Variants in CNTNAP2 observed in about 807,000 individuals in gnomAD.
The protein encoded by CNTNAP2 is contactin associated protein 2.
CNTNAP2 carries 98 observed loss-of-function variants against 155.2 expected under a neutral mutation model. The observed-to-expected ratio is 0.63, with a 90% CI of 0.54 to 0.75. The LOEUF is 0.75. Ranked by LOEUF, CNTNAP2 falls within the 30% of genes least tolerant of loss-of-function variation. The pLI, the probability that CNTNAP2 is intolerant of heterozygous loss-of-function variation, is 0.00. For missense variants in CNTNAP2, 1,727 were observed against 1,688.1 expected (o/e 1.02, Z -0.40); for synonymous variants, 651 against 631.2 (o/e 1.03, Z -0.47).
chr7:147,819,411 A>G (rs527452160), intron 13 of CNTNAP2, among the ~76,000 whole-genome samples: 43 of 152,240 alleles, frequency 2.8e-4, no homozygotes, highest in African/African-American at 1.0e-3. Context: ...CCTTTCTCCA[A>G]TCCCATCTAA....
intron 1 of CNTNAP2, among the ~76,000 whole-genome samples, chr7:146,730,408 A>G (rs7811006): frequency 0.075 from 11,450 of 152,174 alleles, 497 homozygotes; most frequent in East Asian, 0.12. Context: ...ATCCCATTTT[A>G]TAACATTGTA....
chr7:146,251,441 A>G (rs528014230), intron 1 of CNTNAP2, among the ~76,000 whole-genome samples: 1 of 152,312 alleles, frequency 6.6e-6, no homozygotes, highest in South Asian at 2.1e-4. Flanking sequence ...AAATTTTAAA[A>G]TGCATCTCTT....
In CNTNAP2 at chr7:147,108,382, G is replaced by A. The variant is rs376641048; in HGVS notation, c.754+32G>A. On this transcript the variant is annotated intron_variant, in intron 5 of 23. Coordinates refer to ENST00000361727, the MANE Select transcript of CNTNAP2 (RefSeq NM_014141.6). ...TCTGACTGTCAGTTCTATTCTTTCC[G>A]TTATGGATGTTCCCATTAGGAATAT... is the stretch of plus-strand genomic sequence containing the variant. 2.7e-4 allele frequency: 419 copies of A among 1,550,768 alleles called. 1 individual carries two copies. The South Asian group carries it at 3.8e-3, about 14-fold the overall frequency.
At chr7:147,749,068 A>G (rs1039839018) in intron 13 of CNTNAP2, among the ~76,000 whole-genome samples, 34 of 152,334 alleles carry the variant, frequency 2.2e-4, no homozygotes, top group Non-Finnish European at 4.1e-4. Context: ...TTTTGCATAA[A>G]ACAAATGCAA....
intron 1 of CNTNAP2, among the ~76,000 whole-genome samples, chr7:146,329,834 T>C (rs1801152835): frequency 2.6e-5 from 4 of 152,106 alleles, no homozygotes; most frequent in Admixed American, 2.0e-4. Context: ...GCCACATTAC[T>C]TCCCTGCTCA....
chr7:147,590,988 G>A (rs1217690163), intron 12 of CNTNAP2, among the ~76,000 whole-genome samples: 1 of 152,128 alleles, frequency 6.6e-6, no homozygotes, highest in East Asian at 1.9e-4. Context: ...TATTCCACAA[G>A]CTCCTTTAAG....
intron 1 of CNTNAP2, among the ~76,000 whole-genome samples, chr7:146,395,823 AGAG>A (rs1363358704): frequency 7.9e-6 from 1 of 126,622 alleles, no homozygotes; most frequent in African/African-American, 4.5e-5. Context: ...ATAGATAGAT[AGAG>A]GAGAGAGAGA....
chr7:146,997,375 A>G (rs890987440), intron 3 of CNTNAP2, among the ~76,000 whole-genome samples: 2 of 152,166 alleles, frequency 1.3e-5, no homozygotes, highest in Admixed American at 6.6e-5. Context: ...TGTCACATTT[A>G]TTAATTCGCA....
At chr7:148,224,978 G>A (rs1480529390) in intron 19 of CNTNAP2, among the ~76,000 whole-genome samples, 1 of 152,120 alleles carries the variant, frequency 6.6e-6, no homozygotes. Flanking sequence ...TGGCACATGG[G>A]GATTATGGGA....
intron 14 of CNTNAP2, among the ~76,000 whole-genome samples, chr7:147,914,527 C>T (rs1375700635): frequency 2.8e-5 from 4 of 140,376 alleles, no homozygotes; most frequent in African/African-American, 5.4e-5. Context: ...GTGACAAGAG[C>T]GAAACTCCAT....
chr7:146,318,446 C>T (rs1800947107), intron 1 of CNTNAP2, among the ~76,000 whole-genome samples: 1 of 152,058 alleles, frequency 6.6e-6, no homozygotes, highest in Non-Finnish European at 1.5e-5. Flanking sequence ...ATATACGTCA[C>T]TTAAAAATTT....
chr7:147,302,347 C>A (rs1794959175), intron 9 of CNTNAP2, among the ~76,000 whole-genome samples: 1 of 152,182 alleles, frequency 6.6e-6, no homozygotes, highest in Non-Finnish European at 1.5e-5. Context: ...ATAGCTGTAA[C>A]CACACATTCA....
chr7:146,485,870 A>C (rs1402455067), intron 1 of CNTNAP2, among the ~76,000 whole-genome samples: 3 of 152,150 alleles, frequency 2.0e-5, no homozygotes, highest in East Asian at 1.9e-4. Context: ...AAAAGTTAAA[A>C]AATTAAAAAT....
chr7:148,180,275 A>G (rs143371735), intron 18 of CNTNAP2, among the ~76,000 whole-genome samples: 109 of 152,330 alleles, frequency 7.2e-4, no homozygotes, highest in African/African-American at 2.4e-3. Context: ...CAGATTTGGA[A>G]GAAGGCCCAA....
intron 10 of CNTNAP2, among the ~76,000 whole-genome samples, chr7:147,434,826 C>T (rs1428343326): frequency 6.6e-6 from 1 of 152,210 alleles, no homozygotes; most frequent in African/African-American, 2.4e-5. Flanking sequence ...CTAAGCTGTG[C>T]AGACTATGCT....
chr7:147,001,979 AT>A (rs1013763208), intron 3 of CNTNAP2, among the ~76,000 whole-genome samples: 2 of 151,984 alleles, frequency 1.3e-5, no homozygotes, highest in African/African-American at 4.8e-5. Flanking sequence ...AATAGGAGAC[AT>A]TTAAAAAAAT....
chr7:148,218,936 C>CTTTTTTTTT (rs746349465), intron 19 of CNTNAP2, among the ~76,000 whole-genome samples: 8 of 73,644 alleles, frequency 1.1e-4, no homozygotes, highest in Non-Finnish European at 1.7e-4. Context: ...TAAGATCACT[C>CTTTTTTTTT]TTTTTTTTTT....
chr7:147,392,530 C>T (rs181814324), intron 9 of CNTNAP2, among the ~76,000 whole-genome samples: 81 of 152,028 alleles, frequency 5.3e-4, no homozygotes, highest in Admixed American at 3.7e-3. Flanking sequence ...TCCCTGAGTC[C>T]GCAAAGTCCA....
At chr7:148,355,221 G>A (rs562002517) in intron 21 of CNTNAP2, among the ~76,000 whole-genome samples, 2 of 102,720 alleles carry the variant, frequency 1.9e-5, no homozygotes, top group African/African-American at 7.9e-5. Context: ...TTGCTCTGTC[G>A]CCCAGGCTGG....
Sources: gnomAD v4.1 joint callset for allele counts (sites outside exome capture counted in the v4.1 genomes callset) on GRCh38, gnomAD v4.1.1 for gene constraint, MANE v1.5 for transcripts, NCBI Gene and HGNC (gene_info 2026-07-23, HGNC 2026-07-21) for gene names.